The following PPARGC1A variants were observed in gnomAD, a reference collection of about 807,000 sequenced individuals.
The protein encoded by PPARGC1A is peroxisome proliferator-activated receptor gamma coactivator 1-alpha.
In PPARGC1A, 25 loss-of-function variants were observed where a neutral mutation model predicts 88.7. The ratio of observed to expected loss-of-function variants is 0.28; its 90% CI spans 0.21 to 0.39. PPARGC1A has a LOEUF of 0.39. Ranked by LOEUF, PPARGC1A falls within the 10% of genes least tolerant of loss-of-function variation. PPARGC1A has a pLI of 1.00. For synonymous variants in PPARGC1A, 363 were observed against 355.6 expected, an observed-to-expected ratio of 1.02 and a Z score of -0.24; for missense variants, 880 against 968.7, an observed-to-expected ratio of 0.91 and a Z score of 1.22.
the PPARGC1A span, among the ~76,000 whole-genome samples, chr4:24,330,227 C>G: frequency 6.6e-6 from 1 of 152,214 alleles, no homozygotes; most frequent in Admixed American, 6.5e-5. Context: ...TCTGAGCTAT[C>G]ATGTGACTGC....
At chr4:23,999,590 G>A in the PPARGC1A span, among the ~76,000 whole-genome samples, 1 of 152,186 alleles carries the variant, frequency 6.6e-6, no homozygotes, top group Non-Finnish European at 1.5e-5. Flanking sequence ...AAAAGAAGTT[G>A]GAAAAGGGAT....
chr4:24,387,754 GAGAGAGAGAGAGAGAAAGAAAGAA>G, the PPARGC1A span, among the ~76,000 whole-genome samples: 19 of 64,280 alleles, frequency 3.0e-4, no homozygotes, highest in African/African-American at 1.2e-3. Context: ...GAAAGAGAGA[GAGAGAGAGAGAGAGAAAGAAAGAA>G]AGAAAGAAAG....
the PPARGC1A span, among the ~76,000 whole-genome samples, chr4:24,152,975 A>G: frequency 6.6e-6 from 1 of 152,244 alleles, no homozygotes; most frequent in Non-Finnish European, 1.5e-5. Flanking sequence ...CCTTGAGCTC[A>G]GACATGTAAA....
chr4:24,294,980 A>G, the PPARGC1A span, among the ~76,000 whole-genome samples: 11,022 of 152,084 alleles, frequency 0.072, 1,178 homozygotes, highest in African/African-American at 0.23. Context: ...CCATGGGGGG[A>G]CTAGTAGGGA....
chr4:24,219,365 G>A, the PPARGC1A span, among the ~76,000 whole-genome samples: 10 of 152,128 alleles, frequency 6.6e-5, 1 homozygote, highest in Admixed American at 6.5e-4. Context: ...CTGCAGGCTG[G>A]GATTGCTACA....
chr4:24,387,478 C>G, the PPARGC1A span, among the ~76,000 whole-genome samples: 1 of 152,104 alleles, frequency 6.6e-6, no homozygotes, highest in Non-Finnish European at 1.5e-5. Context: ...GTAATCCCAG[C>G]ACTTTGTTAG....
chr4:24,178,015 C>A, the PPARGC1A span, among the ~76,000 whole-genome samples: 1 of 152,204 alleles, frequency 6.6e-6, no homozygotes, highest in Non-Finnish European at 1.5e-5. Context: ...ATACTCCCGC[C>A]AACAGCATGC....
the PPARGC1A span, among the ~76,000 whole-genome samples, chr4:24,109,002 A>ACACACACACACACACAC: frequency 3.3e-5 from 5 of 150,156 alleles, no homozygotes; most frequent in East Asian, 2.0e-4. Context: ...AAAATCACAC[A>ACACACACACACACACAC]CACACACACA....
At chr4:23,823,322 T>G (rs1215353198) in intron 7 of PPARGC1A, among the ~76,000 whole-genome samples, 1 of 151,962 alleles carries the variant, frequency 6.6e-6, no homozygotes, top group Non-Finnish European at 1.5e-5. Context: ...TAATAATATA[T>G]TAGTGTGGTT....
chr4:24,173,701 G>A, the PPARGC1A span, among the ~76,000 whole-genome samples: 5 of 152,202 alleles, frequency 3.3e-5, no homozygotes, highest in African/African-American at 9.7e-5. Context: ...TAACATTTCT[G>A]CTATTCACTA....
At chr4:23,992,615 G>T in the PPARGC1A span, among the ~76,000 whole-genome samples, 4 of 152,038 alleles carry the variant, frequency 2.6e-5, no homozygotes, top group African/African-American at 9.7e-5. Flanking sequence ...AATGAAGGAT[G>T]CCTGGCTTTG....
chr4:23,949,245 C>T, the PPARGC1A span, among the ~76,000 whole-genome samples: 19 of 152,204 alleles, frequency 1.2e-4, no homozygotes, highest in South Asian at 6.2e-4. Context: ...AACATGTCAA[C>T]GTAATTTCTA....
At chr4:24,440,657 C>G in the PPARGC1A span, among the ~76,000 whole-genome samples, 1 of 152,026 alleles carries the variant, frequency 6.6e-6, no homozygotes, top group Non-Finnish European at 1.5e-5. Flanking sequence ...AAAAAATTAG[C>G]TGGGCATGGT....
At chr4:24,339,225 T>TACAC in the PPARGC1A span, among the ~76,000 whole-genome samples, 20 of 80,430 alleles carry the variant, frequency 2.5e-4, no homozygotes, top group African/African-American at 5.9e-4. Context: ...TATATATATA[T>TACAC]ATATATATAT....
At chr4:24,310,545 C>T in the PPARGC1A span, among the ~76,000 whole-genome samples, 1 of 152,116 alleles carries the variant, frequency 6.6e-6, no homozygotes, top group Non-Finnish European at 1.5e-5. Flanking sequence ...ATCTCTAGTA[C>T]CCTGAACTAC....
intron 10 of PPARGC1A, among the ~76,000 whole-genome samples, chr4:23,808,067 C>T (rs1286736083): frequency 3.3e-5 from 5 of 151,814 alleles, no homozygotes; most frequent in South Asian, 2.1e-4. Context: ...CTGGCCAACA[C>T]GGTGAAACCC....
the PPARGC1A span, among the ~76,000 whole-genome samples, chr4:24,458,572 C>T: frequency 3.3e-5 from 5 of 152,164 alleles, no homozygotes; most frequent in Non-Finnish European, 7.3e-5. Flanking sequence ...ATCTGGTACC[C>T]TTACATGTAC....
the PPARGC1A span, among the ~76,000 whole-genome samples, chr4:24,141,839 T>C: frequency 6.6e-6 from 1 of 152,114 alleles, no homozygotes; most frequent in Non-Finnish European, 1.5e-5. Context: ...CTCAGTTCCC[T>C]TCCATGAAAA....
At chr4:24,422,611 G>T in the PPARGC1A span, among the ~76,000 whole-genome samples, 1 of 138,960 alleles carries the variant, frequency 7.2e-6, no homozygotes, top group African/African-American at 2.8e-5. Context: ...GCCTTTTATT[G>T]TGTTCTCTTT....
Sources: allele counts gnomAD v4.1 joint callset (sites outside exome capture counted in the v4.1 genomes callset), GRCh38; gene constraint gnomAD v4.1.1; transcripts MANE v1.5; gene names NCBI Gene and HGNC (gene_info 2026-07-23, HGNC 2026-07-21).